MOB3B: variants seen among roughly 807,000 people sequenced by gnomAD.
The protein encoded by MOB3B is MOB kinase activator 3B, also known as MOB kinase activator-like 2B.
Under a neutral mutation model 18.7 loss-of-function variants are expected in MOB3B, and 7 were observed. The ratio of observed to expected loss-of-function variants is 0.37; its 90% CI spans 0.21 to 0.70. The LOEUF (loss-of-function observed/expected upper bound fraction) is 0.70, where lower values mean the gene tolerates loss of function less well. Among genes scored for constraint, MOB3B ranks in the 30% least tolerant of loss-of-function variants. MOB3B has a pLI of 0.52. For missense variants in MOB3B, 253 were observed against 281.3 expected, an observed-to-expected ratio of 0.90 and a Z score of 0.72; for synonymous variants, 111 against 99.9, an observed-to-expected ratio of 1.11 and a Z score of -0.66.
intron 2 of MOB3B, among the ~76,000 whole-genome samples, chr9:27,431,583 T>C (rs1472742321): frequency 6.6e-6 from 1 of 152,196 alleles, no homozygotes; most frequent in Non-Finnish European, 1.5e-5. Flanking sequence ...AAATATTCCT[T>C]GAGACCAAGG....
At chr9:27,480,910 C>A (rs909348392) in intron 1 of MOB3B, among the ~76,000 whole-genome samples, 6 of 151,670 alleles carry the variant, frequency 4.0e-5, no homozygotes, top group African/African-American at 1.5e-4. Flanking sequence ...AGCACTGACT[C>A]TATAAAAGAA....
intron 1 of MOB3B, among the ~76,000 whole-genome samples, chr9:27,498,142 G>A (rs1819928218): frequency 1.3e-5 from 2 of 152,084 alleles, no homozygotes; most frequent in East Asian, 1.9e-4. Flanking sequence ...CCACAGAAAC[G>A]CCGTGGTGCG....
rs115058729 is a variant in MOB3B at position 27,450,253 on chromosome 9, T to C, written c.418+4880A>G. ...AGAATCAATTTAGAGCAACTAGACA[T>C]TCTGGACATTATGTAAACTGCTCAA... On this transcript the variant is annotated intron_variant, in intron 2 of 3. Transcript: ENST00000262244. Among the ~76,000 whole-genome samples the C allele has an allele frequency of 6.0e-3, 920 of 152,260 alleles. 8 individuals carry two copies. Among genetic ancestry groups the C allele is most frequent in the African/African-American group, 0.022 (896 of 41,552 alleles).
intron 1 of MOB3B, among the ~76,000 whole-genome samples, chr9:27,464,390 C>T (rs1440773384): frequency 6.6e-6 from 1 of 152,164 alleles, no homozygotes; most frequent in East Asian, 1.9e-4. Context: ...TTATAACACA[C>T]TTACCCTAAT....
At chr9:27,342,254 C>G (rs1269576882) in intron 3 of MOB3B, among the ~76,000 whole-genome samples, 2 of 152,120 alleles carry the variant, frequency 1.3e-5, no homozygotes, top group Non-Finnish European at 2.9e-5. Context: ...TAAATGGATC[C>G]CCAAGCTGCC....
In MOB3B at chr9:27,353,010, G is replaced by A. The variant is rs186087733; in HGVS notation, c.621+6024C>T. On this transcript the variant is annotated intron_variant, in intron 3 of 3. Coordinates refer to ENST00000262244, the MANE Select transcript of MOB3B (RefSeq NM_024761.5). ...CCATCACTCAGGACTGGCATTTTGA[G>A]GAGCTCTCTTGGCAAACACTGATCT... Among the ~76,000 whole-genome samples, 3 of 152,302 alleles carry A rather than the reference G, an allele frequency of 2.0e-5. No homozygotes were observed. In the East Asian group the frequency reaches 5.8e-4, roughly 29 times the overall value.
intron 1 of MOB3B, chr9:27,524,334 A>T: frequency 6.2e-7 from 1 of 1,603,982 alleles, no homozygotes; most frequent in East Asian, 2.2e-5. Context: ...GCTTGCAAAA[A>T]AAATGAGCAC....
At chr9:27,350,313 T>C (rs908162903) in intron 3 of MOB3B, among the ~76,000 whole-genome samples, 6 of 152,160 alleles carry the variant, frequency 3.9e-5, no homozygotes, top group Non-Finnish European at 2.9e-5. Flanking sequence ...TCTATTTCCT[T>C]TATCATCTGT....
intron 3 of MOB3B, among the ~76,000 whole-genome samples, chr9:27,342,883 GCCA>G (rs1476129485): frequency 6.6e-6 from 1 of 150,870 alleles, no homozygotes; most frequent in African/African-American, 2.5e-5. Flanking sequence ...CTGCCCGGCC[GCCA>G]CCCCGTCTGG....
intron 3 of MOB3B, among the ~76,000 whole-genome samples, chr9:27,347,934 C>G (rs950512902): frequency 2.6e-5 from 4 of 152,216 alleles, no homozygotes; most frequent in Admixed American, 6.5e-5. Flanking sequence ...ATGATCTTCA[C>G]ATTATGGCAA....
chr9:27,428,439 C>A (rs1430467275), intron 2 of MOB3B, among the ~76,000 whole-genome samples: 1 of 152,114 alleles, frequency 6.6e-6, no homozygotes, highest in Admixed American at 6.5e-5. Context: ...ACAGGGGTAC[C>A]TCTAACTTAG....
At chr9:27,352,725 C>T (rs1821122475) in intron 3 of MOB3B, among the ~76,000 whole-genome samples, 1 of 152,168 alleles carries the variant, frequency 6.6e-6, no homozygotes, top group South Asian at 2.1e-4. Context: ...CATCACATCA[C>T]AAAGATGAGC....
intron 2 of MOB3B, among the ~76,000 whole-genome samples, chr9:27,372,519 T>G (rs976736538): frequency 2.0e-5 from 3 of 152,196 alleles, no homozygotes; most frequent in Admixed American, 2.0e-4. Flanking sequence ...TCAAGAAACC[T>G]GGCAAACATG....
chr9:27,478,607 A>G (rs1004234060), intron 1 of MOB3B, among the ~76,000 whole-genome samples: 4 of 152,190 alleles, frequency 2.6e-5, no homozygotes, highest in African/African-American at 4.8e-5. Context: ...GAAAGAAAAA[A>G]GGGATCAAAA....
intron 1 of MOB3B, among the ~76,000 whole-genome samples, chr9:27,487,863 T>G (rs980011146): frequency 6.6e-6 from 1 of 152,212 alleles, no homozygotes; most frequent in African/African-American, 2.4e-5. Context: ...TTCTCTTAAC[T>G]TGGTCTTGCT....
At chr9:27,444,308 G>GAAGA (rs1822657638) in intron 2 of MOB3B, among the ~76,000 whole-genome samples, 1 of 149,224 alleles carries the variant, frequency 6.7e-6, no homozygotes, top group African/African-American at 2.5e-5. Flanking sequence ...AGGAAGAAAG[G>GAAGA]AAGGAAGAAA....
At chr9:27,507,626 T>C (rs530088520) in intron 1 of MOB3B, among the ~76,000 whole-genome samples, 10 of 152,344 alleles carry the variant, frequency 6.6e-5, no homozygotes, top group Admixed American at 6.5e-4. Context: ...ACTTTGTCCC[T>C]TGATGCTTGT....
intron 2 of MOB3B, among the ~76,000 whole-genome samples, chr9:27,453,981 C>A (rs913980176): frequency 1.3e-5 from 2 of 152,258 alleles, no homozygotes; most frequent in East Asian, 3.9e-4. Flanking sequence ...ATACAACCTA[C>A]CTCCTTCCTG....
Position 27,338,272 on chromosome 9 carries a change from T to C in MOB3B, c.622-7656A>G, listed in dbSNP as rs73431178. The stretch of plus-strand genomic sequence containing the variant: ...TATTTCCTTGTTTCCTCCAGAGCAC[T>C]CCAGTTCCTCTTTCCCAGCCCTGCT... On this transcript the variant is annotated intron_variant, in intron 3 of 3. Coordinates refer to ENST00000262244, the MANE Select transcript of MOB3B (RefSeq NM_024761.5). 8.2e-3 allele frequency among the ~76,000 whole-genome samples: 1,254 copies of C among 152,226 alleles called. 14 individuals are homozygous for C. Among genetic ancestry groups the C allele is most frequent in the African/African-American group, 0.029 (1,203 of 41,540 alleles).
Sources: allele counts gnomAD v4.1 joint callset (sites outside exome capture counted in the v4.1 genomes callset), GRCh38; gene constraint gnomAD v4.1.1; transcripts MANE v1.5; gene names NCBI Gene and HGNC (gene_info 2026-07-23, HGNC 2026-07-21).